The following DLGAP4 variants were observed in gnomAD, a reference collection of about 807,000 sequenced individuals.
DLGAP4 encodes the protein disks large-associated protein 4.
DLGAP4 carries 18 observed loss-of-function variants against 86.9 expected under a neutral mutation model. That is an observed-to-expected ratio of 0.21 (90% CI 0.14 to 0.31). The LOEUF is 0.31. DLGAP4 is among the 10% of genes least tolerant of loss of function. The probability of loss-of-function intolerance (pLI) is 1.00; values close to 1 mark genes in which losing one functional copy is unlikely to be tolerated. For missense variants in DLGAP4, 1,085 were observed against 1,362.6 expected, an observed-to-expected ratio of 0.80 and a Z score of 3.21; for synonymous variants, 548 against 574.3, an observed-to-expected ratio of 0.95 and a Z score of 0.65.
At chr20:36,462,453 C>G (rs1569507224) in intron 7 of DLGAP4, 19 of 1,535,210 alleles carry the variant, frequency 1.2e-5, no homozygotes, top group Non-Finnish European at 1.5e-5. Flanking sequence ...GGCCCTTGGC[C>G]CCCCCTTGCT....
chr20:36,368,612 G>T (rs2030790845), intron 2 of DLGAP4, among the ~76,000 whole-genome samples: 1 of 152,194 alleles, frequency 6.6e-6, no homozygotes. Context: ...GTTGCTTTTG[G>T]CTGAGAAGCT....
Position 36,525,973 on chromosome 20 carries a change from C to T in DLGAP4, c.2727C>T (p.Ser909=). The T allele has an allele frequency of 1.2e-6, 2 of 1,613,736 alleles. No homozygotes were observed. Among genetic ancestry groups the T allele is most frequent in the Non-Finnish European group, 1.7e-6 (2 of 1,179,920 alleles). The change falls in exon 12 of 13, where the codon AGC becomes AGT. Residue 909 remains serine, a synonymous_variant. Coordinates refer to ENST00000339266, the MANE Select transcript of DLGAP4 (RefSeq NM_001365621.2). ...AACTCTACCACCTCAAGGCCAACAGCTGGCAGCTGGTGGAGACCCCCGAGA... is the reference window on the plus strand; with the variant it reads ...AACTCTACCACCTCAAGGCCAACAGTTGGCAGCTGGTGGAGACCCCCGAGA... ...FDELYHLKAN[S]WQLVETPEKR...
At chr20:36,525,726 C>A in intron 11 of DLGAP4, 125 bp from the exon 12 acceptor site, 1 of 1,278,832 alleles carries the variant, frequency 7.8e-7, no homozygotes, top group Non-Finnish European at 1.1e-6. Context: ...CTTACCCAGA[C>A]ACTAGGCCTC....
At chr20:36,332,604 G>A (rs991302089) in intron 1 of DLGAP4, among the ~76,000 whole-genome samples, 2 of 152,004 alleles carry the variant, frequency 1.3e-5, no homozygotes, top group South Asian at 2.1e-4. Flanking sequence ...TGGTCAGGCT[G>A]GTCTCAAACT....
intron 1 of DLGAP4, among the ~76,000 whole-genome samples, chr20:36,335,300 T>C (rs2065310670): frequency 6.6e-6 from 1 of 152,194 alleles, no homozygotes; most frequent in African/African-American, 2.4e-5. Flanking sequence ...TAAATGGACC[T>C]GTTGGTAGGG....
intron 2 of DLGAP4, among the ~76,000 whole-genome samples, chr20:36,411,661 G>A (rs1484449212): frequency 2.0e-5 from 3 of 152,122 alleles, no homozygotes; most frequent in Non-Finnish European, 4.4e-5. Context: ...TATTTTGATG[G>A]CTGATGGCCT....
chr20:36,323,354 T>A (rs903796346), intron 1 of DLGAP4, among the ~76,000 whole-genome samples: 1 of 152,164 alleles, frequency 6.6e-6, no homozygotes, highest in South Asian at 2.1e-4. Flanking sequence ...AACAACATCA[T>A]GCAGATTGTC....
intron 10 of DLGAP4, among the ~76,000 whole-genome samples, chr20:36,521,754 TCTTA>T (rs1319285867): frequency 6.6e-6 from 1 of 152,218 alleles, no homozygotes; most frequent in African/African-American, 2.4e-5. Context: ...CTTTCCATTG[TCTTA>T]CTATCTCTGC....
intron 7 of DLGAP4, among the ~76,000 whole-genome samples, chr20:36,457,790 C>T (rs2147604926): frequency 6.6e-6 from 1 of 151,824 alleles, no homozygotes; most frequent in Admixed American, 6.6e-5. Flanking sequence ...GCTGAGATTA[C>T]AGGCACACCC....
At chr20:36,345,292 G>C (rs569156036) in intron 1 of DLGAP4, among the ~76,000 whole-genome samples, 1 of 152,314 alleles carries the variant, frequency 6.6e-6, no homozygotes, top group African/African-American at 2.4e-5. Flanking sequence ...CTTCCTCACA[G>C]GTGCCATAAT....
intron 2 of DLGAP4, among the ~76,000 whole-genome samples, chr20:36,404,273 A>T (rs2032247352): frequency 6.6e-6 from 1 of 152,178 alleles, no homozygotes; most frequent in Non-Finnish European, 1.5e-5. Context: ...GGTCTATGGT[A>T]GGGTGAACTC....
intron 1 of DLGAP4, among the ~76,000 whole-genome samples, chr20:36,320,124 C>CT (rs1261494917): frequency 1.5e-5 from 2 of 135,792 alleles, no homozygotes; most frequent in African/African-American, 2.8e-5. Flanking sequence ...CTAGGCCCCC[C>CT]TCTGTGTCTT....
rs2037573574 is a variant in DLGAP4 at position 36,524,420 on chromosome 20, C to T, written c.2604+79C>T. On this transcript the variant is annotated intron_variant, in intron 11 of 12. Coordinates refer to ENST00000339266, the MANE Select transcript of DLGAP4 (RefSeq NM_001365621.2). ...CTATACTCTGCCAGCCCCTCGAAGC[C>T]TCTGTGCCCTCCTCTGTAACACACA... 33 of 1,210,586 alleles carry T rather than the reference C, an allele frequency of 2.7e-5. No individual in the cohort carries two copies. In the South Asian group the frequency reaches 4.5e-4, roughly 17 times the overall value. 75.0% of individuals were successfully genotyped at this position (1,210,586 alleles called of 1,614,324 possible). A position where few individuals can be genotyped will look rare whatever the true frequency, so the allele number is the denominator to read the frequency against.
intron 1 of DLGAP4, among the ~76,000 whole-genome samples, chr20:36,328,999 C>G (rs1330694062): frequency 1.3e-5 from 2 of 152,202 alleles, no homozygotes; most frequent in Non-Finnish European, 2.9e-5. Flanking sequence ...TGGTCTTGAA[C>G]TCCTGACCTT....
Position 36,462,514 on chromosome 20 carries a change from C to T in DLGAP4, c.1648+15577C>T, listed in dbSNP as rs1396462048. The T allele has an allele frequency of 3.7e-6, 6 of 1,600,820 alleles. No homozygotes were observed. In the African/African-American group the frequency reaches 5.4e-5, roughly 14 times the overall value. On this transcript the variant is annotated intron_variant, in intron 7 of 12. Coordinates refer to ENST00000339266, the MANE Select transcript of DLGAP4 (RefSeq NM_001365621.2). ...CCTTCTCTCTGCTCCTTGTCTCCCT[C>T]TCCCTTTTTCTGTCTTTGCCGGGTC...
chr20:36,383,113 A>G (rs986522327), intron 2 of DLGAP4, among the ~76,000 whole-genome samples: 7 of 152,060 alleles, frequency 4.6e-5, no homozygotes, highest in African/African-American at 1.7e-4. Context: ...GTTGTGCCCC[A>G]TCTTCCCCTT....
At chr20:36,506,558 C>T (rs1170802845) in intron 10 of DLGAP4, among the ~76,000 whole-genome samples, 1 of 152,218 alleles carries the variant, frequency 6.6e-6, no homozygotes. Context: ...CCCACCCACC[C>T]AGGTGGCTGC....
At chr20:36,404,750 GATGAATGAATGAATGA>G (rs112826447) in intron 2 of DLGAP4, among the ~76,000 whole-genome samples, 3 of 151,358 alleles carry the variant, frequency 2.0e-5, no homozygotes, top group Non-Finnish European at 4.4e-5. Context: ...TTGTTGGTTG[GATGAATGAATGAATGA>G]ATGAATGAAT....
intron 7 of DLGAP4, among the ~76,000 whole-genome samples, chr20:36,463,196 C>A (rs950173689): frequency 6.6e-6 from 1 of 152,166 alleles, no homozygotes; most frequent in Non-Finnish European, 1.5e-5. Flanking sequence ...GTAGTCTAAC[C>A]TCTGGGGCCT....
Sources: allele counts gnomAD v4.1 joint callset (sites outside exome capture counted in the v4.1 genomes callset), GRCh38; gene constraint gnomAD v4.1.1; transcripts MANE v1.5; gene names NCBI Gene and HGNC (gene_info 2026-07-23, HGNC 2026-07-21).